The following SLC9A9 variants were observed in gnomAD, a reference collection of about 807,000 sequenced individuals.
The protein encoded by SLC9A9 is sodium/hydrogen exchanger 9.
In SLC9A9, 62 loss-of-function variants were observed where a neutral mutation model predicts 77.8. The ratio of observed to expected loss-of-function variants is 0.80; its 90% confidence interval spans 0.65 to 0.98. SLC9A9 has a LOEUF of 0.98. Among genes scored for constraint, SLC9A9 ranks in the 50% least tolerant of loss-of-function variants. The pLI is 0.00. For missense variants in SLC9A9, 775 were observed against 774.9 expected, an observed-to-expected ratio of 1.00 and a Z score of 0.00; for synonymous variants, 320 against 283.5, an observed-to-expected ratio of 1.13 and a Z score of -1.29.
intron 14 of SLC9A9, among the ~76,000 whole-genome samples, chr3:143,324,478 A>G (rs909893257): frequency 6.6e-6 from 1 of 152,194 alleles, no homozygotes; most frequent in Non-Finnish European, 1.5e-5. Flanking sequence ...GAATGATAGT[A>G]AATGGAAAGC....
At chr3:143,629,635 A>G (rs2038388367) in intron 6 of SLC9A9, among the ~76,000 whole-genome samples, 1 of 151,746 alleles carries the variant, frequency 6.6e-6, no homozygotes, top group Admixed American at 6.6e-5. Context: ...TCTACTAGCT[A>G]TAATAGTCGG....
intron 9 of SLC9A9, among the ~76,000 whole-genome samples, chr3:143,526,021 C>A (rs1361500163): frequency 6.6e-6 from 1 of 152,154 alleles, no homozygotes; most frequent in Non-Finnish European, 1.5e-5. Flanking sequence ...GTCCTTGAGT[C>A]TTATTACTCT....
At position 143,335,945 on chromosome 3, in the gene SLC9A9, C is replaced by T. The variant is rs2031908165; in HGVS notation, c.1604+27539G>A. Among the ~76,000 whole-genome samples, 3 of 152,060 alleles carry T rather than the reference C, an allele frequency of 2.0e-5. No individual in the cohort carries two copies. The South Asian group carries it at 6.2e-4, about 31-fold the overall frequency. On this transcript the variant is annotated intron_variant, in intron 14 of 15. Coordinates refer to ENST00000316549, the MANE Select transcript of SLC9A9 (RefSeq NM_173653.4). ...TTCTACATAAATTTAAAAACTTCTG[C>T]ACATCAAATGAAACAGACAACAAAA...
At chr3:143,289,823 G>A (rs970478577) in intron 14 of SLC9A9, among the ~76,000 whole-genome samples, 25 of 152,106 alleles carry the variant, frequency 1.6e-4, no homozygotes, top group Admixed American at 1.6e-3. Flanking sequence ...CCCATTCATA[G>A]CCAGAGAGGT....
rs186865879 is a variant in SLC9A9 at position 143,279,037 on chromosome 3, C to T, written c.1605-10057G>A. 2.2e-3 allele frequency among the ~76,000 whole-genome samples: 292 copies of T among 134,530 alleles called. 1 individual carries two copies. Among genetic ancestry groups the T allele is most frequent in the African/African-American group, 0.011 (272 of 25,222 alleles). The allele number at this position is 134,530 out of a possible 152,430, so 88.3% of individuals were successfully genotyped here. A position where few individuals can be genotyped will look rare whatever the true frequency, so the allele number is the denominator to read the frequency against. ...GGGCACATAATAAGCATTCTATAAACGTTAGCTAACATTTTTTTCACTGTG... is the reference window on the plus strand; with the variant it reads ...GGGCACATAATAAGCATTCTATAAATGTTAGCTAACATTTTTTTCACTGTG... On this transcript the variant is annotated intron_variant, in intron 14 of 15. Transcript: ENST00000316549.
chr3:143,635,849 G>T (rs13061355), intron 6 of SLC9A9, among the ~76,000 whole-genome samples: 17,191 of 152,186 alleles, frequency 0.11, 1,209 homozygotes, highest in Middle Eastern at 0.16. Flanking sequence ...TTATTCAGCG[G>T]CAATACTTCA....
intron 9 of SLC9A9, among the ~76,000 whole-genome samples, chr3:143,505,059 G>A (rs921621091): frequency 6.6e-6 from 1 of 151,988 alleles, no homozygotes; most frequent in African/African-American, 2.4e-5. Flanking sequence ...CAGTGACTCT[G>A]ACCATATTTT....
intron 9 of SLC9A9, among the ~76,000 whole-genome samples, chr3:143,515,995 A>G (rs1333084258): frequency 1.3e-5 from 2 of 152,208 alleles, no homozygotes; most frequent in African/African-American, 2.4e-5. Flanking sequence ...CACCTAGGAA[A>G]AATTCTGGGC....
intron 12 of SLC9A9, among the ~76,000 whole-genome samples, chr3:143,463,141 T>C (rs1340049630): frequency 2.0e-5 from 3 of 152,226 alleles, no homozygotes; most frequent in Non-Finnish European, 4.4e-5. Context: ...GTTATCTTGT[T>C]GAGGGCACTT....
intron 6 of SLC9A9, among the ~76,000 whole-genome samples, chr3:143,603,539 G>A (rs550605870): frequency 4.6e-4 from 70 of 152,286 alleles, no homozygotes; most frequent in South Asian, 6.2e-4. Context: ...AGAAGTCTGT[G>A]GCAAGAAACT....
intron 1 of SLC9A9, among the ~76,000 whole-genome samples, chr3:143,845,843 A>T (rs768515107): frequency 6.6e-6 from 1 of 152,228 alleles, no homozygotes; most frequent in Admixed American, 6.5e-5. Flanking sequence ...CATAATTTTT[A>T]TAATCCTTTT....
At chr3:143,323,531 G>A (rs761458748) in intron 14 of SLC9A9, among the ~76,000 whole-genome samples, 1 of 152,100 alleles carries the variant, frequency 6.6e-6, no homozygotes, top group Non-Finnish European at 1.5e-5. Flanking sequence ...ATTACATGGA[G>A]GTAGAGAGTG....
chr3:143,351,817 T>C (rs2032462664), intron 14 of SLC9A9, among the ~76,000 whole-genome samples: 2 of 152,188 alleles, frequency 1.3e-5, no homozygotes, highest in Admixed American at 6.5e-5. Flanking sequence ...TTTAGTATCA[T>C]TTTAACTTTA....
At chr3:143,364,029 A>G (rs1439154450) in intron 13 of SLC9A9, among the ~76,000 whole-genome samples, 1 of 152,134 alleles carries the variant, frequency 6.6e-6, no homozygotes, top group Admixed American at 6.5e-5. Context: ...TTTTTGATAT[A>G]TTTCTGCCTA....
chr3:143,316,226 G>T (rs1490829006), intron 14 of SLC9A9, among the ~76,000 whole-genome samples: 1 of 152,164 alleles, frequency 6.6e-6, no homozygotes, highest in African/African-American at 2.4e-5. Flanking sequence ...GGCAAAGGGG[G>T]TTGCTGGATT....
intron 4 of SLC9A9, among the ~76,000 whole-genome samples, chr3:143,769,299 AAGC>A (rs1222638182): frequency 6.6e-6 from 1 of 152,142 alleles, no homozygotes; most frequent in Non-Finnish European, 1.5e-5. Flanking sequence ...TGCTCTGGGA[AAGC>A]AGTATCTGTA....
intron 4 of SLC9A9, 109 bp downstream of exon 4, chr3:143,794,891 TA>T (rs1459384390): frequency 6.1e-5 from 62 of 1,018,152 alleles, no homozygotes; most frequent in Non-Finnish European, 7.9e-5. Flanking sequence ...TGTGATATAC[TA>T]AAAAAAAGAC....
intron 4 of SLC9A9, among the ~76,000 whole-genome samples, chr3:143,773,418 G>A (rs1436412714): frequency 6.6e-6 from 1 of 151,550 alleles, no homozygotes; most frequent in Non-Finnish European, 1.5e-5. Flanking sequence ...TGAGTTTTTA[G>A]TATTTGTTAA....
intron 12 of SLC9A9, among the ~76,000 whole-genome samples, chr3:143,409,305 C>T (rs1462357272): frequency 6.6e-6 from 1 of 152,114 alleles, no homozygotes; most frequent in Non-Finnish European, 1.5e-5. Context: ...ATGAGACAAT[C>T]GTTTTTGGGA....
Sources: allele counts gnomAD v4.1 joint callset (sites outside exome capture counted in the v4.1 genomes callset), GRCh38; gene constraint gnomAD v4.1.1; transcripts MANE v1.5; gene names NCBI Gene and HGNC (gene_info 2026-07-23, HGNC 2026-07-21).